MED17: variants seen among roughly 807,000 people sequenced by gnomAD.
MED17 encodes mediator of RNA polymerase II transcription subunit 17.
Under a neutral mutation model 80.8 loss-of-function variants are expected in MED17, and 49 were observed. That is an observed-to-expected ratio of 0.61 (90% CI 0.48 to 0.77). The LOEUF (loss-of-function observed/expected upper bound fraction) is 0.77, where lower values mean the gene tolerates loss of function less well. Ranked by LOEUF, MED17 falls within the 30% of genes least tolerant of loss-of-function variation. MED17 has a pLI of 0.00. For missense variants in MED17, 718 were observed against 787.0 expected, an observed-to-expected ratio of 0.91 and a Z score of 1.05; for synonymous variants, 281 against 280.4, an observed-to-expected ratio of 1.00 and a Z score of -0.02.
Position 93,785,269 on chromosome 11 carries a change from G to GTT in MED17, c.250+507_250+508dup, listed in dbSNP as rs770792623. On this transcript the variant is annotated intron_variant, in intron 1 of 11. Coordinates refer to ENST00000251871, the MANE Select transcript of MED17 (RefSeq NM_004268.5). Reference sequence around the variant, plus strand: ...AGGCCGGGATAAGCGTTTGACTAGTGTTAAGACCACTGAAAGCTTTTGCAG... The same window carrying GTT: ...AGGCCGGGATAAGCGTTTGACTAGTGTTTTAAGACCACTGAAAGCTTTTGCAG... Among the ~76,000 whole-genome samples, 5 of 152,334 alleles carry GTT rather than the reference G, an allele frequency of 3.3e-5. No individual in the cohort carries two copies. The East Asian group carries it at 9.6e-4, about 29-fold the overall frequency.
At position 93,793,711 on chromosome 11, in the gene MED17, T is replaced by C; in HGVS notation, c.638-17T>C. 6.6e-7 allele frequency: 1 copy of C among 1,520,282 alleles called. No individual in the cohort carries two copies. The highest frequency in any genetic ancestry group is 2.3e-5 in the East Asian group (1 of 44,332). 94.2% of individuals were successfully genotyped at this position (1,520,282 alleles called of 1,614,324 possible). On this transcript the variant is annotated splice_polypyrimidine_tract_variant and intron_variant, in intron 3 of 11. Coordinates refer to ENST00000251871, the MANE Select transcript of MED17 (RefSeq NM_004268.5). Reference sequence around the variant, plus strand: ...TGTTAACTGTTTTATATTTTCCTATTTTTAATACAACATTAGGATCTCTCT... The same window carrying C: ...TGTTAACTGTTTTATATTTTCCTATCTTTAATACAACATTAGGATCTCTCT...
intron 6 of MED17, chr11:93,795,555 CAAATTA>C (rs1042904493): frequency 7.0e-5 from 5 of 71,136 alleles, no homozygotes; most frequent in African/African-American, 1.6e-4. Context: ...AACAAACAAA[CAAATTA>C]AAAAAAAAAA....
At chr11:93,797,083 G>A (rs1943911693) in intron 7 of MED17, 1 of 197,526 alleles carries the variant, frequency 5.1e-6, no homozygotes, top group Non-Finnish European at 1.0e-5. Flanking sequence ...TAGGCAGCCG[G>A]GTTTGGGAAC....
At position 93,790,633 on chromosome 11, in the gene MED17, C is replaced by A; in HGVS notation, c.477C>A (p.Ile159=). ...AGTCACTTGCTGGAGCAGCACAAATCTTATTGAAGGGGGCAGAAAGACTGA... is the reference window on the plus strand; with the variant it reads ...AGTCACTTGCTGGAGCAGCACAAATATTATTGAAGGGGGCAGAAAGACTGA... ...KKKSLAGAAQ[I]LLKGAERLTK... Residue 159 remains isoleucine, a synonymous_variant, in exon 3 of 12, where the codon ATC becomes ATA. Coordinates refer to ENST00000251871, the MANE Select transcript of MED17 (RefSeq NM_004268.5). 6.2e-7 allele frequency: 1 copy of A among 1,614,150 alleles called. No homozygotes were observed. Among genetic ancestry groups the A allele is most frequent in the Non-Finnish European group, 8.5e-7 (1 of 1,180,034 alleles).
Position 93,784,411 on chromosome 11 carries a change from C to T in MED17, c.-103C>T. On this transcript the variant is annotated 5_prime_UTR_variant, in exon 1 of 12. Coordinates refer to ENST00000251871, the MANE Select transcript of MED17 (RefSeq NM_004268.5). Reference sequence around the variant, plus strand: ...CCGAGGGTCTTCTGAGGCACCGCGGCTGCGGGCTTCTGAGTTCCCGGCTCT... The same window carrying T: ...CCGAGGGTCTTCTGAGGCACCGCGGTTGCGGGCTTCTGAGTTCCCGGCTCT... The T allele has an allele frequency of 7.0e-7, 1 of 1,435,788 alleles. No individual in the cohort carries two copies. Among genetic ancestry groups the T allele is most frequent in the South Asian group, 1.4e-5 (1 of 71,632 alleles). The allele number at this position is 1,435,788 out of a possible 1,614,324, so 88.9% of individuals were successfully genotyped here.
chr11:93,787,667 A>C (rs1328915233), intron 1 of MED17, among the ~76,000 whole-genome samples: 1 of 152,156 alleles, frequency 6.6e-6, no homozygotes, highest in Non-Finnish European at 1.5e-5. Flanking sequence ...GTATTTTGGA[A>C]ATTTTGTACA....
Position 93,797,591 on chromosome 11 carries a change from T to C in MED17, c.1200T>C (p.Phe400=). Residue 400 remains phenylalanine, a synonymous_variant, in exon 8 of 12, where the codon TTT becomes TTC. Transcript: ENST00000251871. ...IMMPHPASAP[F]GHKRMRLSGP... is the part of the protein sequence containing the mutation. ...TGCCTCATCCAGCAAGTGCACCTTT[T>C]GGCCACAAGAGAATGAGACTTTCGG... The C allele has an allele frequency of 6.2e-7, 1 of 1,614,180 alleles. No individual in the cohort carries two copies. The highest frequency in any genetic ancestry group is 8.5e-7 in the Non-Finnish European group (1 of 1,180,002).
intron 3 of MED17, chr11:93,793,422 G>C: frequency 3.3e-6 from 1 of 303,038 alleles, no homozygotes; most frequent in Non-Finnish European, 6.2e-6. Context: ...TGCCCTGTGA[G>C]TACACCCATT....
Position 93,784,702 on chromosome 11 carries a change from C to G in MED17, c.189C>G (p.Thr63=). The G allele has an allele frequency of 6.4e-7, 1 of 1,551,502 alleles. No individual in the cohort carries two copies. Among genetic ancestry groups the G allele is most frequent in the South Asian group, 1.2e-5 (1 of 84,408 alleles). The change falls in exon 1 of 12, where the codon ACC becomes ACG. Residue 63 remains threonine (T), a synonymous_variant. Coordinates refer to ENST00000251871, the MANE Select transcript of MED17 (RefSeq NM_004268.5). The part of the protein sequence containing the change: ...SGSEEEEAAG[T]EGDAQEWPGA... ...CCGAGGAGGAGGAGGCGGCGGGGAC[C>G]GAGGGCGACGCGCAGGAGTGGCCGG...
At chr11:93,798,189 C>T (rs1003071762) in intron 8 of MED17, among the ~76,000 whole-genome samples, 1 of 152,148 alleles carries the variant, frequency 6.6e-6, no homozygotes, top group African/African-American at 2.4e-5. Flanking sequence ...AGAAGTTATG[C>T]ACCTTGCTCA....
At chr11:93,804,018 T>TAC (rs1565293276) in intron 9 of MED17, among the ~76,000 whole-genome samples, 7 of 118,626 alleles carry the variant, frequency 5.9e-5, no homozygotes, top group Non-Finnish European at 1.1e-4. Context: ...TATATATATA[T>TAC]ATATATATAC....
At chr11:93,796,932 G>T in intron 7 of MED17, 1 of 248,736 alleles carries the variant, frequency 4.0e-6, no homozygotes, top group South Asian at 5.3e-5. Context: ...TGGTTCACAG[G>T]CCAGGGTAAT....
intron 2 of MED17, 61 bp from the exon 3 acceptor site, chr11:93,790,513 G>A (rs1037650490): frequency 1.0e-4 from 143 of 1,409,670 alleles, no homozygotes; most frequent in Non-Finnish European, 1.4e-4. Context: ...TTGATAAAAT[G>A]TGTAATTTTA....
intron 8 of MED17, among the ~76,000 whole-genome samples, chr11:93,797,933 T>C (rs770347417): frequency 6.6e-6 from 1 of 152,220 alleles, no homozygotes; most frequent in Non-Finnish European, 1.5e-5. Flanking sequence ...TTTCTAACAC[T>C]GTCACTTTTT....
intron 6 of MED17, chr11:93,795,330 A>G (rs532307300): frequency 4.1e-6 from 2 of 485,940 alleles, no homozygotes; most frequent in African/African-American, 1.9e-5. Flanking sequence ...GAAAATTTGC[A>G]CTAGCATAGC....
chr11:93,810,146 C>A, intron 11 of MED17: 2 of 431,020 alleles, frequency 4.6e-6, no homozygotes, highest in Non-Finnish European at 4.3e-6. Flanking sequence ...TCCTGCAGTC[C>A]CAAAGTTTAA....
At chr11:93,785,765 T>A (rs1199522407) in intron 1 of MED17, among the ~76,000 whole-genome samples, 1 of 152,180 alleles carries the variant, frequency 6.6e-6, no homozygotes, top group East Asian at 1.9e-4. Context: ...CCAACATTTT[T>A]GGAGGCCAAG....
At chr11:93,803,904 A>G (rs991216381) in intron 9 of MED17, among the ~76,000 whole-genome samples, 1 of 151,250 alleles carries the variant, frequency 6.6e-6, no homozygotes. Flanking sequence ...CCTTTTCCTC[A>G]TCTTCTATAG....
intron 1 of MED17, chr11:93,784,966 G>T: frequency 1.4e-6 from 1 of 717,758 alleles, no homozygotes; most frequent in Non-Finnish European, 2.3e-6. Flanking sequence ...ACTCCTGCGG[G>T]TCTCCTTGAA....
Sources: allele counts gnomAD v4.1 joint callset (sites outside exome capture counted in the v4.1 genomes callset), GRCh38; gene constraint gnomAD v4.1.1; transcripts MANE v1.5; gene names NCBI Gene and HGNC (gene_info 2026-07-23, HGNC 2026-07-21).